DOP1B: variants seen among roughly 807,000 people sequenced by gnomAD.
DOP1B encodes the protein protein DOP1B.
A neutral mutation model predicts 233.5 loss-of-function variants in DOP1B; 174 were observed. The observed-to-expected ratio is 0.75, with a 90% CI of 0.66 to 0.85. The LOEUF (loss-of-function observed/expected upper bound fraction) is 0.85, where lower values mean the gene tolerates loss of function less well. Ranked by LOEUF, DOP1B falls within the 40% of genes least tolerant of loss-of-function variation. The pLI, the probability that DOP1B is intolerant of heterozygous loss-of-function variation, is 0.00. For synonymous variants in DOP1B, 1,190 were observed against 1,185.6 expected (o/e 1.00, Z -0.08); for missense variants, 2,652 against 2,846.6 (o/e 0.93, Z 1.56).
chr21:36,167,236 G>C (rs921233123), intron 2 of DOP1B, among the ~76,000 whole-genome samples: 3 of 152,008 alleles, frequency 2.0e-5, no homozygotes, highest in Admixed American at 6.6e-5. Flanking sequence ...GCAGTGACAC[G>C]ATCTCGGCTC....
intron 35 of DOP1B, among the ~76,000 whole-genome samples, chr21:36,291,468 G>A (rs1157707742): frequency 1.3e-5 from 2 of 152,036 alleles, no homozygotes; most frequent in Non-Finnish European, 2.9e-5. Flanking sequence ...GGCTGAGGCA[G>A]AGAATTGCTT....
chr21:36,216,843 A>C (rs1271698817), intron 9 of DOP1B, among the ~76,000 whole-genome samples: 1 of 152,050 alleles, frequency 6.6e-6, no homozygotes, highest in Non-Finnish European at 1.5e-5. Flanking sequence ...TTGGAAGGCC[A>C]AGGTGGGCCT....
At chr21:36,212,906 C>T (rs758109394) in intron 7 of DOP1B, among the ~76,000 whole-genome samples, 1 of 152,188 alleles carries the variant, frequency 6.6e-6, no homozygotes, top group Non-Finnish European at 1.5e-5. Flanking sequence ...CTCAGCCTCC[C>T]AAGTAGCTGG....
rs1406669707 is a variant in DOP1B at position 36,245,497 on chromosome 21, G to A, written c.3517G>A (p.Gly1173Arg). ...CTTCCAGTCAGAAAGCTTCAAGGCT[G>A]GGGCCAAGTTAAGCCTGGTGCGGGT... is the stretch of plus-strand genomic sequence containing the variant. ...AAFQSESFKA[G>R]AKLSLVRVDS... The change falls in exon 19 of 37, where the codon GGG becomes AGG. Residue 1173 changes from glycine to arginine, a missense_variant. Around this residue, in one of 3 missense-constraint regions of DOP1B, gnomAD observed 2,617 missense variants for 2,794.3 expected, o/e 0.94. Coordinates refer to ENST00000691173, the MANE Select transcript of DOP1B (RefSeq NM_001320714.2). The surrounding 1 kb of genome is among the most constrained non-coding windows in gnomAD (Gnocchi z 5.5). 2 of 1,613,582 alleles carry A rather than the reference G, an allele frequency of 1.2e-6. No individual in the cohort carries two copies. The highest frequency in any genetic ancestry group is 2.7e-5 in the African/African-American group (2 of 74,948).
chr21:36,276,998 C>T (rs2067357166), intron 27 of DOP1B, 23 bp from the exon 28 acceptor site: 1 of 1,613,136 alleles, frequency 6.2e-7, no homozygotes, highest in Non-Finnish European at 8.5e-7. Flanking sequence ...AGTTAACATA[C>T]AAATGGCTCT....
intron 21 of DOP1B, among the ~76,000 whole-genome samples, chr21:36,250,219 C>A (rs2067016411): frequency 6.6e-6 from 1 of 152,220 alleles, no homozygotes; most frequent in Admixed American, 6.5e-5. Flanking sequence ...AGCTCCATTG[C>A]TGGCTCAGTT....
At chr21:36,266,622 G>A (rs77148589) in intron 26 of DOP1B, among the ~76,000 whole-genome samples, 1,754 of 152,302 alleles carry the variant, frequency 0.012, 18 homozygotes, top group South Asian at 0.018. Flanking sequence ...AAGCTCATCC[G>A]AACCCAGTTA....
rs952007211 is a variant in DOP1B, at chr21:36,230,723, C to T, written c.1939C>T (p.Leu647=). ...CAGCAAGAACATTTTTGGAGTACAG[C>T]TGACAGCGTCAGGAGAAGAAAGCAA... is the stretch of plus-strand genomic sequence containing the variant. ...FASKNIFGVQ[L]TASGEESKSE... The change falls in exon 14 of 37, where the codon CTG becomes TTG. Residue 647 remains leucine (L), a synonymous_variant. Coordinates refer to ENST00000691173, the MANE Select transcript of DOP1B (RefSeq NM_001320714.2). 5 of 1,614,070 alleles carry T rather than the reference C, an allele frequency of 3.1e-6. No homozygotes were observed. The highest frequency in any genetic ancestry group is 4.2e-6 in the Non-Finnish European group (5 of 1,180,056).
At chr21:36,233,106 G>A (rs766950177) in intron 15 of DOP1B, 31 bp downstream of exon 15, 6 of 1,605,426 alleles carry the variant, frequency 3.7e-6, no homozygotes, top group Non-Finnish European at 4.3e-6. Context: ...TCTTCTTATG[G>A]CCTCCTTCTC....
rs548594166 is a variant in DOP1B, at chr21:36,207,504, T to G, written c.492-1211T>G. Among the ~76,000 whole-genome samples, 11 of 144,972 alleles carry G rather than the reference T, an allele frequency of 7.6e-5. No individual in the cohort carries two copies. The East Asian group carries it at 7.8e-4, about 10-fold the overall frequency. On this transcript the variant is annotated intron_variant, in intron 4 of 36. Transcript: ENST00000691173. ...CCAGCCAAACAGTTTTTTTTGTTTT[T>G]TTTTTTTTTTTTTTTGAGGGGACTC...
chr21:36,165,244 C>G (rs958176543), intron 2 of DOP1B, among the ~76,000 whole-genome samples: 1 of 152,104 alleles, frequency 6.6e-6, no homozygotes, highest in Non-Finnish European at 1.5e-5. Flanking sequence ...TTAAAATGGT[C>G]AAATTAGGTA....
chr21:36,239,623 A>G (rs746815728), intron 17 of DOP1B, 142 bp from the exon 18 acceptor site: 70 of 901,524 alleles, frequency 7.8e-5, no homozygotes, highest in Non-Finnish European at 1.0e-4. Context: ...CATTGTGCTC[A>G]TCTACTTGGG....
rs750071725 is a variant in DOP1B at position 36,246,185 on chromosome 21, A to G, written c.4205A>G (p.Tyr1402Cys). Residue 1402 changes from tyrosine (Y) to cysteine (C), a missense_variant, in exon 19 of 37, where the codon TAC becomes TGC. Tyr to Cys is a radical substitution (Grantham distance 194, BLOSUM62 -2). This residue lies in a region of DOP1B where 2,617 missense variants were observed against 2,794.3 expected (regional missense o/e 0.94). Transcript: ENST00000691173. The surrounding 1 kb of genome is among the most constrained non-coding windows in gnomAD (Gnocchi z 5.1). ...TCCATGTACACGAGCCAGAAGCGCT[A>G]CGGGCTGGCCACCGCCCACCACGGC... is the stretch of plus-strand genomic sequence containing the variant. The part of the protein sequence containing the change: ...SASMYTSQKR[Y>C]GLATAHHGRA... 3 of 1,613,782 alleles carry G rather than the reference A, an allele frequency of 1.9e-6. No homozygotes were observed.
At chr21:36,230,031 C>T (rs896022001) in intron 13 of DOP1B, among the ~76,000 whole-genome samples, 2 of 151,750 alleles carry the variant, frequency 1.3e-5, no homozygotes, top group South Asian at 2.1e-4. Flanking sequence ...GTTAATTTGT[C>T]GGAAACAGTT....
chr21:36,269,450 T>A (rs1817558192), intron 26 of DOP1B, among the ~76,000 whole-genome samples: 1 of 151,654 alleles, frequency 6.6e-6, no homozygotes. Flanking sequence ...CCACCACACC[T>A]AGCGTATTAA....
intron 23 of DOP1B, among the ~76,000 whole-genome samples, chr21:36,256,201 C>T (rs1433835399): frequency 6.6e-6 from 1 of 152,120 alleles, no homozygotes; most frequent in Non-Finnish European, 1.5e-5. Flanking sequence ...GGCATGGTGG[C>T]TCATGCCTGT....
chr21:36,254,947 C>CTTTTT (rs35630827), intron 23 of DOP1B, among the ~76,000 whole-genome samples: 1 of 127,662 alleles, frequency 7.8e-6, no homozygotes, highest in Admixed American at 8.3e-5. Flanking sequence ...ATTTGTGTAA[C>CTTTTT]TTTTTTTTTT....
At chr21:36,286,071 T>G (rs944544633) in intron 32 of DOP1B, among the ~76,000 whole-genome samples, 2 of 151,636 alleles carry the variant, frequency 1.3e-5, no homozygotes, top group African/African-American at 4.8e-5. Flanking sequence ...GGATACCGTT[T>G]GGGGTCCTTT....
intron 13 of DOP1B, 152 bp downstream of exon 13, chr21:36,228,029 T>A: frequency 1.2e-6 from 1 of 817,634 alleles, no homozygotes; most frequent in Non-Finnish European, 1.8e-6. Context: ...ACCCTCACTT[T>A]AAAAGGTTTT....
Sources: gnomAD v4.1 joint callset for allele counts (sites outside exome capture counted in the v4.1 genomes callset) on GRCh38, gnomAD v4.1.1 for gene constraint, gnomAD v4.1.1 regional missense constraint, Gnocchi (gnomAD v3.1) non-coding constraint, MANE v1.5 for transcripts, NCBI Gene and HGNC (gene_info 2026-07-23, HGNC 2026-07-21) for gene names.